SATL1: variants seen among roughly 807,000 people sequenced by gnomAD.
The protein encoded by SATL1 is spermidine/spermine N(1)-acetyltransferase-like protein 1.
Under a neutral mutation model 51.8 loss-of-function variants are expected in SATL1, and 47 were observed. The ratio of observed to expected loss-of-function variants is 0.91; its 90% CI spans 0.72 to 1.16. The LOEUF is 1.16. SATL1 is among the 50% of genes most tolerant of loss of function. The pLI is 0.00. For synonymous variants in SATL1, 176 were observed against 182.4 expected, an observed-to-expected ratio of 0.97 and a Z score of 0.28; for missense variants, 520 against 526.4, an observed-to-expected ratio of 0.99 and a Z score of 0.12.
intron 2 of SATL1, among the ~76,000 whole-genome samples, chrX:85,219,935 C>T (rs1324596540): frequency 1.8e-5 from 2 of 108,212 alleles, no homozygotes; most frequent in Admixed American, 2.0e-4. Flanking sequence ...ATATAAGAAC[C>T]GAAATTCAGG....
At chrX:85,133,320 G>A (rs1159152909) in intron 2 of SATL1, among the ~76,000 whole-genome samples, 2 of 111,892 alleles carry the variant, frequency 1.8e-5, no homozygotes, top group Admixed American at 9.4e-5. Context: ...CACCCAGTTC[G>A]AGCTTCCTGT....
At chrX:85,209,692 A>G (rs1219363305) in intron 2 of SATL1, 1 of 110,349 alleles carries the variant, frequency 9.1e-6, no homozygotes, top group East Asian at 2.9e-4. Flanking sequence ...GTTCTTCATC[A>G]TTTTTTATTG....
intron 2 of SATL1, among the ~76,000 whole-genome samples, chrX:85,165,066 T>A (rs1926803456): frequency 1.8e-5 from 2 of 111,213 alleles, no homozygotes; most frequent in South Asian, 7.6e-4. Flanking sequence ...TTTGAGCGTC[T>A]CGTGTTTGGA....
intron 2 of SATL1, among the ~76,000 whole-genome samples, chrX:85,120,201 G>A (rs1349752627): frequency 1.8e-5 from 2 of 111,193 alleles, no homozygotes; most frequent in East Asian, 5.7e-4. Context: ...AAATGGGGCA[G>A]ATACTACAGC....
At chrX:85,242,789 A>G (rs1928653781) in intron 1 of SATL1, among the ~76,000 whole-genome samples, 1 of 111,675 alleles carries the variant, frequency 9.0e-6, no homozygotes, top group Admixed American at 9.5e-5. Flanking sequence ...TCTATTTATC[A>G]TACTTCACGT....
At chrX:85,180,605 T>G (rs1927180378) in intron 2 of SATL1, among the ~76,000 whole-genome samples, 1 of 111,885 alleles carries the variant, frequency 8.9e-6, no homozygotes, top group Admixed American at 9.5e-5. Context: ...TACTATAATT[T>G]ATCAAAGTAT....
intron 1 of SATL1, among the ~76,000 whole-genome samples, chrX:85,229,855 T>G (rs1027993744): frequency 6.3e-5 from 7 of 111,568 alleles, no homozygotes; most frequent in African/African-American, 2.3e-4. Context: ...AATAAAATAC[T>G]TGAATACAAA....
At chrX:85,239,086 C>G (rs1928534541) in intron 1 of SATL1, among the ~76,000 whole-genome samples, 1 of 109,834 alleles carries the variant, frequency 9.1e-6, no homozygotes, top group Non-Finnish European at 1.9e-5. Context: ...GGGTTGATCT[C>G]ATGTTAAGTG....
At chrX:85,106,642 G>C (rs1413697054) in intron 3 of SATL1, among the ~76,000 whole-genome samples, 4 of 111,651 alleles carry the variant, frequency 3.6e-5, no homozygotes, top group Non-Finnish European at 5.6e-5. Context: ...CAGAACTTCA[G>C]CACAGTAACT....
intron 2 of SATL1, among the ~76,000 whole-genome samples, chrX:85,197,647 C>T (rs1236298927): frequency 9.7e-6 from 1 of 103,209 alleles, no homozygotes; most frequent in Admixed American, 1.1e-4. Flanking sequence ...TCCCTCCCCC[C>T]TCCCCACACC....
intron 2 of SATL1, among the ~76,000 whole-genome samples, chrX:85,150,546 C>T (rs767420408): frequency 9.0e-6 from 1 of 110,642 alleles, no homozygotes; most frequent in East Asian, 2.9e-4. Flanking sequence ...CCTTGATGAA[C>T]ATTGATGCAA....
chrX:85,151,865 A>G (rs1208527634), intron 2 of SATL1, among the ~76,000 whole-genome samples: 1 of 111,930 alleles, frequency 8.9e-6, no homozygotes, highest in Admixed American at 9.5e-5. Flanking sequence ...TAAAAACCCT[A>G]GAAGAAAACC....
chrX:85,138,281 T>A (rs1336812655), intron 2 of SATL1, among the ~76,000 whole-genome samples: 1 of 111,668 alleles, frequency 9.0e-6, no homozygotes, highest in Non-Finnish European at 1.9e-5. Flanking sequence ...AGGTGCTTAG[T>A]GTCTGCTGTA....
At chrX:85,163,406 T>C (rs1352747561) in intron 2 of SATL1, among the ~76,000 whole-genome samples, 2 of 111,336 alleles carry the variant, frequency 1.8e-5, no homozygotes, top group African/African-American at 6.5e-5. Context: ...TTTAAGACTA[T>C]GAACTTTTTT....
chrX:85,114,400 C>G (rs1313106071), intron 2 of SATL1, among the ~76,000 whole-genome samples: 1 of 111,350 alleles, frequency 9.0e-6, no homozygotes, highest in Non-Finnish European at 1.9e-5. Flanking sequence ...TATTCATGAA[C>G]GTTTTAGCTC....
intron 2 of SATL1, 89 bp from the exon 3 acceptor site, chrX:85,109,369 A>C: frequency 5.0e-6 from 1 of 199,309 alleles, no homozygotes; most frequent in Non-Finnish European, 9.2e-6. Flanking sequence ...ACTGCATCAT[A>C]ATGGCGGTCA....
rs747093188 is a variant in SATL1 at position 85,118,087 on chromosome X, C to CTTTTTTTTTTTTTT, written c.-312-8821_-312-8808dup. Among the ~76,000 whole-genome samples the CTTTTTTTTTTTTTT allele has an allele frequency of 6.7e-4, 31 of 46,158 alleles. 2 individuals are homozygous for CTTTTTTTTTTTTTT. Among genetic ancestry groups the CTTTTTTTTTTTTTT allele is most frequent in the African/African-American group, 1.1e-3 (19 of 17,003 alleles). The allele number at this position is 46,158 out of a possible 115,157, so 40.1% of individuals were successfully genotyped here. A position where few individuals can be genotyped will look rare whatever the true frequency, so the allele number is the denominator to read the frequency against. On this transcript the variant is annotated intron_variant, in intron 2 of 7. Coordinates refer to ENST00000644105, the MANE Select transcript of SATL1 (RefSeq NM_001367857.2). ...TTTTGCAAATAAAAAAAGAACTTAG[C>CTTTTTTTTTTTTTT]TTTTTTTTTTTTTTTTCCAGAGTGC...
chrX:85,176,056 T>C (rs1281049420), intron 2 of SATL1, among the ~76,000 whole-genome samples: 2 of 111,783 alleles, frequency 1.8e-5, no homozygotes, highest in African/African-American at 3.2e-5. Context: ...TATATAAAGA[T>C]ATCTTCAAAA....
At chrX:85,131,549 C>T (rs1456831413) in intron 2 of SATL1, among the ~76,000 whole-genome samples, 3 of 110,386 alleles carry the variant, frequency 2.7e-5, no homozygotes, top group African/African-American at 9.9e-5. Flanking sequence ...TGTCTCTGCA[C>T]GTGAGATGGG....
Sources: allele counts gnomAD v4.1 joint callset (sites outside exome capture counted in the v4.1 genomes callset), GRCh38; gene constraint gnomAD v4.1.1; transcripts MANE v1.5; gene names NCBI Gene and HGNC (gene_info 2026-07-23, HGNC 2026-07-21).